Variants in GUCY2D observed in about 807,000 individuals in gnomAD.
The protein encoded by GUCY2D is guanylate cyclase 2D, retinal.
In GUCY2D, 70 loss-of-function variants were observed where a neutral mutation model predicts 101.3. That is an observed-to-expected ratio of 0.69 (90% CI 0.57 to 0.84). GUCY2D has a LOEUF of 0.84. Among genes scored for constraint, GUCY2D ranks in the 40% least tolerant of loss-of-function variants. GUCY2D has a pLI of 0.00. For synonymous variants in GUCY2D, 688 were observed against 670.7 expected (o/e 1.03, Z -0.40); for missense variants, 1,460 against 1,542.5 (o/e 0.95, Z 0.90).
chr17:8,016,681 G>A (rs1357265093), intron 19 of GUCY2D, 127 bp downstream of exon 19: 1 of 602,504 alleles, frequency 1.7e-6, no homozygotes, highest in African/African-American at 1.9e-5. Flanking sequence ...TAAACCCCGG[G>A]GCTTCCCCTG....
At chr17:8,016,612 G>A (rs1975983844) in intron 19 of GUCY2D, 58 bp downstream of exon 19, 1 of 884,286 alleles carries the variant, frequency 1.1e-6, no homozygotes. Flanking sequence ...CCTGCAGAAC[G>A]TCCCACCCAA....
chr17:8,014,323 G>T lies in GUCY2D; in HGVS notation c.2413-278G>T, dbSNP rs536731863. Reference sequence around the variant, plus strand: ...GGCCTGCTGTGACAGAAAGACCCTTGGCCTGGGAGCCCAACGATTGGGCTG... The same window carrying T: ...GGCCTGCTGTGACAGAAAGACCCTTTGCCTGGGAGCCCAACGATTGGGCTG... On this transcript the variant is annotated intron_variant, in intron 12 of 19. Transcript: ENST00000254854. This position sits in a 1 kb window ranked among gnomAD's most constrained non-coding sequence, Gnocchi z 4.0. 2.5e-4 allele frequency: 150 copies of T among 601,350 alleles called. No homozygotes were observed. Among genetic ancestry groups the T allele is most frequent in the Non-Finnish European group, 3.7e-4 (125 of 337,636 alleles). The allele number at this position is 601,350 out of a possible 1,614,324, so 37.3% of individuals were successfully genotyped here.
chr17:8,017,653 C>T (rs757250994), intron 19 of GUCY2D, among the ~76,000 whole-genome samples: 28 of 152,332 alleles, frequency 1.8e-4, no homozygotes, highest in South Asian at 1.7e-3. Context: ...TAACTAGGAG[C>T]TGCTGAGCAA....
Position 8,014,744 on chromosome 17 carries a change from G to C in GUCY2D, c.2556G>C (p.Leu852=), listed in dbSNP as rs1975928491. 6.3e-7 allele frequency: 1 copy of C among 1,591,976 alleles called. No homozygotes were observed. Among genetic ancestry groups the C allele is most frequent in the Non-Finnish European group, 8.6e-7 (1 of 1,166,808 alleles). The change falls in exon 13 of 20, where the codon CTG becomes CTC. Residue 852 remains leucine (L), a synonymous_variant. Coordinates refer to ENST00000254854, the MANE Select transcript of GUCY2D (RefSeq NM_000180.4). This position sits in a 1 kb window ranked among gnomAD's most constrained non-coding sequence, Gnocchi z 4.0. ...TGGAAAAGCAGAAGACAGACCGGCTGCTTACACAGATGCTGCCTCCGTGGG... is the reference window on the plus strand; with the variant it reads ...TGGAAAAGCAGAAGACAGACCGGCTCCTTACACAGATGCTGCCTCCGTGGG... ...LELEKQKTDR[L]LTQMLPPSVA... is the part of the protein sequence containing the mutation.
Position 8,003,301 on chromosome 17 carries a change from A to G in GUCY2D, c.254A>G (p.Asn85Ser). 1 of 1,486,050 alleles carries G rather than the reference A, an allele frequency of 6.7e-7. No homozygotes were observed. The allele number at this position is 1,486,050 out of a possible 1,614,324, so 92.1% of individuals were successfully genotyped here. ...GCCCGCCTGGCCGCCGCCCGCCTGA[A>G]CCGCGACCCCGGCCTGGCAGGCGGT... ...LAARLAAARL[N>S]RDPGLAGGPR... Residue 85 changes from asparagine (N) to serine (S), a missense_variant, in exon 2 of 20, where the codon AAC becomes AGC. By Grantham distance (46) the Asn-to-Ser change is conservative. Around this residue, in one of 3 missense-constraint regions of GUCY2D, gnomAD observed 1,196 missense variants for 1,229.6 expected, o/e 0.97. Coordinates refer to ENST00000254854, the MANE Select transcript of GUCY2D (RefSeq NM_000180.4).
intron 15 of GUCY2D, 62 bp from the exon 16 acceptor site, chr17:8,015,681 C>A: frequency 7.5e-7 from 1 of 1,334,096 alleles, no homozygotes; most frequent in African/African-American, 1.4e-5. Flanking sequence ...CCCCCGAGGC[C>A]CTACCTAGGT....
At chr17:8,010,732 C>A (rs2151801885) in intron 8 of GUCY2D, among the ~76,000 whole-genome samples, 1 of 150,706 alleles carries the variant, frequency 6.6e-6, no homozygotes, top group South Asian at 2.1e-4. Flanking sequence ...TGGCGTGAAC[C>A]CGGGAGGCGG....
In GUCY2D at chr17:8,011,301, C is replaced by T. The variant is rs1370927181; in HGVS notation, c.1750-843C>T. Among the ~76,000 whole-genome samples, 3 of 152,084 alleles carry T rather than the reference C, an allele frequency of 2.0e-5. No homozygotes were observed. The highest frequency in any genetic ancestry group is 7.3e-5 in the African/African-American group (3 of 41,374). On this transcript the variant is annotated intron_variant, in intron 8 of 19. Coordinates refer to ENST00000254854, the MANE Select transcript of GUCY2D (RefSeq NM_000180.4). This position sits in a 1 kb window ranked among gnomAD's most constrained non-coding sequence, Gnocchi z 4.3. ...GGCTGAGACGGGAGAATCGCTTGAGCTCAGGATGCGGAGGTTGCAGTGACC... is the reference window on the plus strand; with the variant it reads ...GGCTGAGACGGGAGAATCGCTTGAGTTCAGGATGCGGAGGTTGCAGTGACC...
In GUCY2D at chr17:8,016,194, T is replaced by C; in HGVS notation, c.3139-11T>C. ...TCCGCCTAAGTCCTTCCCTCTCCCATGTCTCCCCAGGGCAAGGGCGCCGAG... is the reference window on the plus strand; with the variant it reads ...TCCGCCTAAGTCCTTCCCTCTCCCACGTCTCCCCAGGGCAAGGGCGCCGAG... On this transcript the variant is annotated splice_polypyrimidine_tract_variant and intron_variant, in intron 17 of 19. Coordinates refer to ENST00000254854, the MANE Select transcript of GUCY2D (RefSeq NM_000180.4). 6.4e-7 allele frequency: 1 copy of C among 1,564,722 alleles called. No homozygotes were observed.
At position 8,015,859 on chromosome 17, in the gene GUCY2D, A is replaced by G; in HGVS notation, c.3043+18A>G. On this transcript the variant is annotated intron_variant, in intron 16 of 19. Transcript: ENST00000254854. ...CGGGCTGCGTGAGTGTGACGGGGAC[A>G]AGACGGGGAGGTGGGAGGGGGACAC... is the stretch of plus-strand genomic sequence containing the variant. The G allele has an allele frequency of 6.2e-7, 1 of 1,607,928 alleles. No individual in the cohort carries two copies. Among genetic ancestry groups the G allele is most frequent in the South Asian group, 1.1e-5 (1 of 90,270 alleles).
At chr17:8,009,209 G>A (rs1975801710) in intron 7 of GUCY2D, among the ~76,000 whole-genome samples, 1 of 152,234 alleles carries the variant, frequency 6.6e-6, no homozygotes, top group Non-Finnish European at 1.5e-5. Context: ...GGGTTGTGAT[G>A]TCGATGACAC....
In GUCY2D at chr17:8,014,843, T is replaced by C; in HGVS notation, c.2577-16T>C. ...TAGAGTGGCCCCCAGGTGACCTCAC[T>C]GCCTGCCATCCCTAGGTCTGTGGCT... On this transcript the variant is annotated splice_polypyrimidine_tract_variant and intron_variant, in intron 13 of 19. Transcript: ENST00000254854. The surrounding 1 kb of genome is among the most constrained non-coding windows in gnomAD (Gnocchi z 4.0). The C allele has an allele frequency of 6.2e-7, 1 of 1,614,082 alleles. No homozygotes were observed.
intron 3 of GUCY2D, among the ~76,000 whole-genome samples, chr17:8,004,786 G>A (rs1252692958): frequency 6.6e-6 from 1 of 152,146 alleles, no homozygotes; most frequent in Non-Finnish European, 1.5e-5. Context: ...AGATGTCAAC[G>A]GGCAGTGAAT....
At chr17:8,016,179 T>G in intron 17 of GUCY2D, 26 bp from the exon 18 acceptor site, 1 of 1,507,802 alleles carries the variant, frequency 6.6e-7, no homozygotes, top group Non-Finnish European at 9.1e-7. Flanking sequence ...TCCGCCTAAG[T>G]CCTTCCCTCT....
intron 19 of GUCY2D, among the ~76,000 whole-genome samples, chr17:8,017,653 C>G (rs757250994): frequency 6.6e-6 from 1 of 152,214 alleles, no homozygotes; most frequent in African/African-American, 2.4e-5. Context: ...TAACTAGGAG[C>G]TGCTGAGCAA....
chr17:8,010,000 CAT>C (rs1351856823), intron 8 of GUCY2D, among the ~76,000 whole-genome samples: 7 of 151,476 alleles, frequency 4.6e-5, no homozygotes, highest in Non-Finnish European at 1.0e-4. Context: ...AAAAAAAAAA[CAT>C]GTTTCCTCCA....
In GUCY2D at chr17:8,003,483, G is replaced by A; in HGVS notation, c.436G>A (p.Ala146Thr). ...GCTGCTCGCCGAAGAAGCCGGGATC[G>A]CGCTGGTGCCCTGGGGCTGCCCCTG... ...AELLAEEAGI[A>T]LVPWGCPWTQ... The change falls in exon 2 of 20, where the codon GCG becomes ACG. Residue 146 changes from alanine to threonine, a missense_variant. Ala to Thr is a moderately conservative substitution (Grantham distance 58, BLOSUM62 0). Coordinates refer to ENST00000254854, the MANE Select transcript of GUCY2D (RefSeq NM_000180.4). The A allele has an allele frequency of 4.6e-6, 7 of 1,526,754 alleles. No individual in the cohort carries two copies. Among genetic ancestry groups the A allele is most frequent in the Non-Finnish European group, 6.1e-6 (7 of 1,143,270 alleles). The allele number at this position is 1,526,754 out of a possible 1,614,324, so 94.6% of individuals were successfully genotyped here.
In GUCY2D at chr17:8,013,785, C is replaced by T; in HGVS notation, c.2264-95C>T. ...GTAAAGAAACCCCTGCCAGGCACCCCCTCCCACATCTTGGTCTTCAACAGT... is the reference window on the plus strand; with the variant it reads ...GTAAAGAAACCCCTGCCAGGCACCCTCTCCCACATCTTGGTCTTCAACAGT... On this transcript the variant is annotated intron_variant, in intron 11 of 19. Coordinates refer to ENST00000254854, the MANE Select transcript of GUCY2D (RefSeq NM_000180.4). The surrounding 1 kb of genome is among the most constrained non-coding windows in gnomAD (Gnocchi z 5.0). 1 of 993,846 alleles carries T rather than the reference C, an allele frequency of 1.0e-6. No individual in the cohort carries two copies. The highest frequency in any genetic ancestry group is 1.3e-5 in the South Asian group (1 of 74,636). 61.6% of individuals were successfully genotyped at this position (993,846 alleles called of 1,614,324 possible). A position where few individuals can be genotyped will look rare whatever the true frequency, so the allele number is the denominator to read the frequency against.
intron 15 of GUCY2D, 120 bp from the exon 16 acceptor site, chr17:8,015,623 T>C (rs1975952911): frequency 1.7e-6 from 2 of 1,179,050 alleles, no homozygotes; most frequent in Non-Finnish European, 2.5e-6. Context: ...GAGGATGCAC[T>C]TAACAAGGCT....
Sources: allele counts gnomAD v4.1 joint callset (sites outside exome capture counted in the v4.1 genomes callset), GRCh38; gene constraint gnomAD v4.1.1; regional missense constraint gnomAD v4.1.1; non-coding constraint Gnocchi (gnomAD v3.1); transcripts MANE v1.5; gene names NCBI Gene and HGNC (gene_info 2026-07-23, HGNC 2026-07-21).